KCNH1: variants seen among roughly 807,000 people sequenced by gnomAD.
KCNH1 encodes voltage-gated delayed rectifier potassium channel KCNH1.
A neutral mutation model predicts 69.2 loss-of-function variants in KCNH1; 27 were observed. The ratio of observed to expected loss-of-function variants is 0.39; its 90% CI spans 0.29 to 0.54. KCNH1 has a LOEUF of 0.54. Ranked by LOEUF, KCNH1 falls within the 20% of genes least tolerant of loss-of-function variation. The probability of loss-of-function intolerance (pLI) is 0.68; values close to 1 mark genes in which losing one functional copy is unlikely to be tolerated. For synonymous variants in KCNH1, 456 were observed against 487.7 expected (o/e 0.93, Z 0.86); for missense variants, 798 against 1,261.6 (o/e 0.63, Z 5.57).
intron 10 of KCNH1, among the ~76,000 whole-genome samples, chr1:210,693,164 G>A (rs1198860259): frequency 5.3e-5 from 8 of 152,208 alleles, no homozygotes; most frequent in Non-Finnish European, 1.2e-4. Context: ...ATCTTTCGAA[G>A]CCTTAGTTGT....
chr1:210,981,372 C>CAAAA (rs10684074), intron 6 of KCNH1, among the ~76,000 whole-genome samples: 27,582 of 83,370 alleles, frequency 0.33, 4,219 homozygotes, highest in Non-Finnish European at 0.39. Context: ...GTAACAACGA[C>CAAAA]AAAAAAAAAA....
Position 210,683,360 on chromosome 1 carries a change from G to A in KCNH1, c.2891C>T (p.Ser964Phe), listed in dbSNP as rs1407654423. Reference sequence around the variant, plus strand: ...TTCAAACAACTCCTGAGGAGACTGAGAGGATCTTCTGGAAGTTAATATCCT... The same window carrying A: ...TTCAAACAACTCCTGAGGAGACTGAAAGGATCTTCTGGAAGTTAATATCCT... Reference protein sequence around the residue: ...ILRILTSRRSSQSPQELFEIS... With the variant: ...ILRILTSRRSFQSPQELFEIS... The change falls in exon 11 of 11, where the codon TCT (serine) becomes TTT (phenylalanine). Residue 964 changes from serine to phenylalanine, a missense_variant. This residue lies in a region of KCNH1 where 331 missense variants were observed against 363.2 expected (regional missense o/e 0.91). Coordinates refer to ENST00000271751, the MANE Select transcript of KCNH1 (RefSeq NM_172362.3). The surrounding 1 kb of genome is among the most constrained non-coding windows in gnomAD (Gnocchi z 5.7). 6.2e-7 allele frequency: 1 copy of A among 1,614,106 alleles called. No homozygotes were observed. Among genetic ancestry groups the A allele is most frequent in the Non-Finnish European group, 8.5e-7 (1 of 1,179,978 alleles).
intron 10 of KCNH1, among the ~76,000 whole-genome samples, chr1:210,742,216 T>C (rs1312631265): frequency 1.3e-5 from 2 of 152,232 alleles, no homozygotes; most frequent in Admixed American, 1.3e-4. Flanking sequence ...ATTTTATTTC[T>C]GGGAATTTGG....
rs1360628748 is a variant in KCNH1, at chr1:210,919,653, G to C, written c.1449C>G (p.Ile483Met). ...TGTCATACTTACAGCCAATCATCATGATGGCCACTGCAAAGATCTTCTCAA... is the reference window on the plus strand; with the variant it reads ...TGTCATACTTACAGCCAATCATCATCATGGCCACTGCAAAGATCTTCTCAA... ...TDIEKIFAVA[I>M]MMIGSLLYAT... The change falls in exon 7 of 11, where the codon ATC becomes ATG. Residue 483 changes from isoleucine to methionine, a missense_variant. Ile to Met is a conservative substitution (Grantham distance 10, BLOSUM62 1). Coordinates refer to ENST00000271751, the MANE Select transcript of KCNH1 (RefSeq NM_172362.3). This position sits in a 1 kb window ranked among gnomAD's most constrained non-coding sequence, Gnocchi z 4.2. The C allele has an allele frequency of 8.1e-6, 13 of 1,613,016 alleles. No individual in the cohort carries two copies. Among genetic ancestry groups the C allele is most frequent in the African/African-American group, 2.7e-5 (2 of 75,010 alleles).
At chr1:211,063,201 C>T (rs78393267) in intron 5 of KCNH1, among the ~76,000 whole-genome samples, 6,682 of 152,040 alleles carry the variant, frequency 0.044, 270 homozygotes, top group East Asian at 0.12. Context: ...ATAAGTCAAG[C>T]GCAGAAAGAT....
At chr1:211,130,688 G>C (rs1053757360) in intron 1 of KCNH1, among the ~76,000 whole-genome samples, 1 of 152,078 alleles carries the variant, frequency 6.6e-6, no homozygotes, top group Admixed American at 6.6e-5. Flanking sequence ...TTAGTTTAAG[G>C]ATTTTAGTTC....
At chr1:210,802,381 T>C (rs551353982) in intron 8 of KCNH1, among the ~76,000 whole-genome samples, 1 of 152,344 alleles carries the variant, frequency 6.6e-6, no homozygotes, top group East Asian at 1.9e-4. Flanking sequence ...TATGTATTTT[T>C]ACGATCATGT....
At chr1:210,772,733 T>C (rs1028629059) in intron 10 of KCNH1, among the ~76,000 whole-genome samples, 1 of 152,178 alleles carries the variant, frequency 6.6e-6, no homozygotes, top group Admixed American at 6.5e-5. Context: ...ACAAATTTGA[T>C]ACACTCAAAG....
At chr1:211,096,579 C>T (rs570633200) in intron 3 of KCNH1, among the ~76,000 whole-genome samples, 1 of 152,282 alleles carries the variant, frequency 6.6e-6, no homozygotes. Flanking sequence ...ACACTTAACC[C>T]TCAACATAAT....
chr1:210,987,069 A>T (rs1688853746), intron 6 of KCNH1, among the ~76,000 whole-genome samples: 1 of 152,146 alleles, frequency 6.6e-6, no homozygotes, highest in Admixed American at 6.5e-5. Flanking sequence ...CTTCCAGGTG[A>T]GTGAATCAGC....
intron 6 of KCNH1, among the ~76,000 whole-genome samples, chr1:210,926,420 G>A (rs1054076718): frequency 7.2e-5 from 11 of 152,100 alleles, no homozygotes; most frequent in Non-Finnish European, 1.5e-4. Flanking sequence ...AGTATGATCC[G>A]GAGCCTCGTA....
chr1:210,714,804 A>G (rs1682181197), intron 10 of KCNH1, among the ~76,000 whole-genome samples: 1 of 152,176 alleles, frequency 6.6e-6, no homozygotes, highest in African/African-American at 2.4e-5. Context: ...TCTTCTCTGG[A>G]GGACACAACC....
At chr1:210,955,562 T>C (rs1688156106) in intron 6 of KCNH1, among the ~76,000 whole-genome samples, 1 of 152,186 alleles carries the variant, frequency 6.6e-6, no homozygotes, top group African/African-American at 2.4e-5. Flanking sequence ...TTTGTTTGTG[T>C]CCTCTTTTAT....
chr1:211,064,437 T>C (rs1019722341), intron 5 of KCNH1, among the ~76,000 whole-genome samples: 6 of 152,070 alleles, frequency 3.9e-5, no homozygotes, highest in Non-Finnish European at 7.4e-5. Flanking sequence ...GGTGGGCAGC[T>C]GTAATCCCAG....
chr1:210,713,067 T>C (rs1682118185), intron 10 of KCNH1, among the ~76,000 whole-genome samples: 1 of 152,238 alleles, frequency 6.6e-6, no homozygotes, highest in Admixed American at 6.5e-5. Context: ...GGTTTGCTCC[T>C]GTGTTTGTCA....
At chr1:210,816,261 C>G (rs1431316244) in intron 7 of KCNH1, among the ~76,000 whole-genome samples, 1 of 152,212 alleles carries the variant, frequency 6.6e-6, no homozygotes, top group Non-Finnish European at 1.5e-5. Context: ...ACACCACATT[C>G]AAACTCGGCC....
intron 7 of KCNH1, among the ~76,000 whole-genome samples, chr1:210,822,813 C>T (rs1056736410): frequency 1.3e-5 from 2 of 152,172 alleles, no homozygotes; most frequent in Non-Finnish European, 2.9e-5. Context: ...CTCCAAGGTT[C>T]TCCTCTGGGC....
chr1:210,978,854 C>T (rs1450304805), intron 6 of KCNH1, among the ~76,000 whole-genome samples: 2 of 152,240 alleles, frequency 1.3e-5, no homozygotes, highest in Non-Finnish European at 2.9e-5. Flanking sequence ...GGCACATGCA[C>T]TCAAAGTCCA....
At chr1:210,710,596 T>A (rs983433978) in intron 10 of KCNH1, among the ~76,000 whole-genome samples, 1 of 152,198 alleles carries the variant, frequency 6.6e-6, no homozygotes, top group South Asian at 2.1e-4. Flanking sequence ...ACCACTACCA[T>A]TGATGGCATT....
Sources: allele counts gnomAD v4.1 joint callset (sites outside exome capture counted in the v4.1 genomes callset), GRCh38; gene constraint gnomAD v4.1.1; regional missense constraint gnomAD v4.1.1; non-coding constraint Gnocchi (gnomAD v3.1); transcripts MANE v1.5; gene names NCBI Gene and HGNC (gene_info 2026-07-23, HGNC 2026-07-21).